Variants in SUGCT observed in about 807,000 individuals in gnomAD.
The protein encoded by SUGCT is succinyl-CoA:glutarate-CoA transferase, also known as succinyl-CoA:glutarate CoA-transferase.
In SUGCT, 41 loss-of-function variants were observed where a neutral mutation model predicts 55.0. That is an observed-to-expected ratio of 0.74 (90% CI 0.58 to 0.97). SUGCT has a LOEUF of 0.97. SUGCT is among the 50% of genes least tolerant of loss of function. The pLI, the probability that SUGCT is intolerant of heterozygous loss-of-function variation, is 0.00. For synonymous variants in SUGCT, 187 were observed against 200.4 expected, an observed-to-expected ratio of 0.93 and a Z score of 0.56; for missense variants, 568 against 547.8, an observed-to-expected ratio of 1.04 and a Z score of -0.37.
chr7:40,176,738 C>T (rs1030093792), intron 1 of SUGCT, among the ~76,000 whole-genome samples: 4 of 151,550 alleles, frequency 2.6e-5, no homozygotes, highest in Admixed American at 6.6e-5. Flanking sequence ...TTTGAGAGGT[C>T]GAGGTGGGTG....
intron 12 of SUGCT, among the ~76,000 whole-genome samples, chr7:40,588,937 A>G (rs963805828): frequency 2.6e-5 from 4 of 152,188 alleles, no homozygotes; most frequent in African/African-American, 4.8e-5. Context: ...GAGAAAACTC[A>G]TATCTGATAT....
chr7:41,015,064 T>C, the SUGCT span, among the ~76,000 whole-genome samples: 1 of 152,202 alleles, frequency 6.6e-6, no homozygotes, highest in Non-Finnish European at 1.5e-5. Context: ...GATATAATTA[T>C]AGGCAGGAGA....
chr7:40,873,010 G>T, the SUGCT span, among the ~76,000 whole-genome samples: 2 of 152,150 alleles, frequency 1.3e-5, no homozygotes, highest in African/African-American at 4.8e-5. Flanking sequence ...GAACCCGGCT[G>T]ATCCCTTGAT....
chr7:40,625,826 G>A lies in SUGCT; in HGVS notation c.1090-123608G>A, dbSNP rs547337173. On this transcript the variant is annotated intron_variant, in intron 12 of 13. Coordinates refer to ENST00000335693, the MANE Select transcript of SUGCT (RefSeq NM_001193313.2). ...TAAACCCTCACTGTAGAACAGTCAGGGTCCATGTGCAGGACAGGTGAATGA... is the reference window on the plus strand; with the variant it reads ...TAAACCCTCACTGTAGAACAGTCAGAGTCCATGTGCAGGACAGGTGAATGA... 3.9e-5 allele frequency among the ~76,000 whole-genome samples: 6 copies of A among 152,178 alleles called. No homozygotes were observed. In the South Asian group the frequency reaches 1.2e-3, roughly 32 times the overall value.
chr7:40,243,103 A>ATCTC (rs372077800), intron 7 of SUGCT, among the ~76,000 whole-genome samples: 1 of 147,936 alleles, frequency 6.8e-6, no homozygotes, highest in Non-Finnish European at 1.5e-5. Context: ...GCCTGCATCC[A>ATCTC]TCTCTCTCTC....
chr7:40,135,075 G>A lies in SUGCT; in HGVS notation c.55G>A (p.Gly19Ser), dbSNP rs1480985210. 1.2e-5 allele frequency: 18 copies of A among 1,560,050 alleles called. No homozygotes were observed. Among genetic ancestry groups the A allele is most frequent in the Non-Finnish European group, 1.6e-5 (18 of 1,153,268 alleles). ...AALRRTCLFS[G>S]RGGGRGLWTG... ...TCTGCGCAGAACCTGCCTCTTCTCCGGCCGGGGCGGCGGGAGGGGGCTGTG... is the reference window on the plus strand; with the variant it reads ...TCTGCGCAGAACCTGCCTCTTCTCCAGCCGGGGCGGCGGGAGGGGGCTGTG... The change falls in exon 1 of 14, where the codon GGC becomes AGC. Residue 19 changes from glycine to serine, a missense_variant. Transcript: ENST00000335693.
chr7:40,751,631 C>T (rs754540988), intron 13 of SUGCT, among the ~76,000 whole-genome samples: 34 of 152,146 alleles, frequency 2.2e-4, no homozygotes, highest in Admixed American at 2.6e-4. Context: ...GTTAGCACTC[C>T]TATTGTTTAG....
chr7:40,391,575 C>T (rs1432651158), intron 9 of SUGCT, among the ~76,000 whole-genome samples: 1 of 143,690 alleles, frequency 7.0e-6, no homozygotes, highest in Non-Finnish European at 1.5e-5. Flanking sequence ...AAATCAAAAC[C>T]ACAGTGAGAT....
intron 12 of SUGCT, among the ~76,000 whole-genome samples, chr7:40,694,964 G>A (rs1784856727): frequency 2.0e-5 from 3 of 152,094 alleles, no homozygotes; most frequent in Non-Finnish European, 4.4e-5. Flanking sequence ...TTGGCTTGAA[G>A]AGCAGACACA....
Position 40,860,557 on chromosome 7 carries a change from C to T in SUGCT, c.*78C>T. 1 of 1,461,908 alleles carries T rather than the reference C, an allele frequency of 6.8e-7. No homozygotes were observed. The highest frequency in any genetic ancestry group is 9.2e-7 in the Non-Finnish European group (1 of 1,089,150). The allele number at this position is 1,461,908 out of a possible 1,614,324, so 90.6% of individuals were successfully genotyped here. A position where few individuals can be genotyped will look rare whatever the true frequency, so the allele number is the denominator to read the frequency against. ...CAACACTTTGCTTGGACCCTTCTCC[C>T]CAGTTCTGATACCACTAAAAAGAAG... On this transcript the variant is annotated 3_prime_UTR_variant, in exon 14 of 14. Transcript: ENST00000335693.
At chr7:40,576,662 A>G (rs891122959) in intron 12 of SUGCT, among the ~76,000 whole-genome samples, 13 of 152,338 alleles carry the variant, frequency 8.5e-5, no homozygotes, top group African/African-American at 2.6e-4. Context: ...TTTGATTTGT[A>G]TAGGCAACAG....
chr7:40,307,674 T>G (rs1240653519), intron 8 of SUGCT, among the ~76,000 whole-genome samples: 1 of 152,200 alleles, frequency 6.6e-6, no homozygotes, highest in Non-Finnish European at 1.5e-5. Flanking sequence ...AGTGTTAGCT[T>G]TGATCAGTCG....
chr7:40,672,935 C>CA (rs1208262234), intron 12 of SUGCT, among the ~76,000 whole-genome samples: 2 of 152,258 alleles, frequency 1.3e-5, no homozygotes, highest in Admixed American at 6.5e-5. Context: ...CACAATCCCC[C>CA]AAGCAGGCTC....
intron 12 of SUGCT, among the ~76,000 whole-genome samples, chr7:40,609,447 G>A (rs1298299140): frequency 2.6e-5 from 4 of 151,248 alleles, no homozygotes; most frequent in East Asian, 2.0e-4. Context: ...GGCACCTGAC[G>A]TCCCAGCTAC....
At position 40,477,701 on chromosome 7, in the gene SUGCT, ATTTC is replaced by A. The variant is rs1287736236; in HGVS notation, c.986+18507_986+18510del. Reference sequence around the variant, plus strand: ...GTAAATTTTTATGCTTCACTTGAAAATTTCTTTATTTTAATAAGTTTAAATTAAA... The same window carrying A: ...GTAAATTTTTATGCTTCACTTGAAAATTTATTTTAATAAGTTTAAATTAAA... On this transcript the variant is annotated intron_variant, in intron 11 of 13. Coordinates refer to ENST00000335693, the MANE Select transcript of SUGCT (RefSeq NM_001193313.2). Among the ~76,000 whole-genome samples the A allele has an allele frequency of 4.6e-5, 7 of 152,296 alleles. No individual in the cohort carries two copies. In the East Asian group the frequency reaches 1.2e-3, roughly 25 times the overall value.
chr7:40,305,866 T>C (rs1794827838), intron 8 of SUGCT, among the ~76,000 whole-genome samples: 4 of 152,078 alleles, frequency 2.6e-5, no homozygotes, highest in Non-Finnish European at 1.5e-5. Flanking sequence ...GGTCTTACTA[T>C]ATTGCCCAGG....
the SUGCT span, among the ~76,000 whole-genome samples, chr7:40,884,074 G>A: frequency 2.0e-5 from 3 of 152,074 alleles, no homozygotes; most frequent in Non-Finnish European, 4.4e-5. Context: ...TTACTGTCAA[G>A]GAATCTCCAC....
intron 11 of SUGCT, among the ~76,000 whole-genome samples, chr7:40,470,396 T>C (rs1790344342): frequency 6.6e-6 from 1 of 152,080 alleles, no homozygotes; most frequent in Admixed American, 6.6e-5. Context: ...ACACCACCTC[T>C]CTCCCAGTGC....
At chr7:40,774,975 T>C (rs533340421) in intron 13 of SUGCT, among the ~76,000 whole-genome samples, 1 of 152,368 alleles carries the variant, frequency 6.6e-6, no homozygotes, top group Non-Finnish European at 1.5e-5. Flanking sequence ...ACTGCAATTC[T>C]TGTTATTGGA....
Sources: allele counts gnomAD v4.1 joint callset (sites outside exome capture counted in the v4.1 genomes callset), GRCh38; gene constraint gnomAD v4.1.1; transcripts MANE v1.5; gene names NCBI Gene and HGNC (gene_info 2026-07-23, HGNC 2026-07-21).